DPP6: variants seen among roughly 807,000 people sequenced by gnomAD.
DPP6 encodes the protein A-type potassium channel modulatory protein DPP6.
DPP6 carries 69 observed loss-of-function variants against 122.6 expected under a neutral mutation model. The observed-to-expected ratio is 0.56, with a 90% CI of 0.46 to 0.69. The LOEUF (loss-of-function observed/expected upper bound fraction) is 0.69, where lower values mean the gene tolerates loss of function less well. Ranked by LOEUF, DPP6 falls within the 30% of genes least tolerant of loss-of-function variation. The pLI, the probability that DPP6 is intolerant of heterozygous loss-of-function variation, is 0.00. For synonymous variants in DPP6, 418 were observed against 433.1 expected, an observed-to-expected ratio of 0.97 and a Z score of 0.43; for missense variants, 928 against 1,116.9, an observed-to-expected ratio of 0.83 and a Z score of 2.41.
intron 1 of DPP6, among the ~76,000 whole-genome samples, chr7:154,032,675 A>G: frequency 6.6e-6 from 1 of 152,296 alleles, no homozygotes; most frequent in South Asian, 2.1e-4. Flanking sequence ...TATCTTATAT[A>G]TTTAAACAGA....
At chr7:154,564,036 A>G (rs1019226272) in intron 4 of DPP6, among the ~76,000 whole-genome samples, 5 of 152,198 alleles carry the variant, frequency 3.3e-5, no homozygotes, top group Non-Finnish European at 7.4e-5. Context: ...GCATGAAAAG[A>G]ACCAGCGAGG....
At chr7:154,291,581 C>T (rs1451528431) in intron 1 of DPP6, among the ~76,000 whole-genome samples, 1 of 152,194 alleles carries the variant, frequency 6.6e-6, no homozygotes, top group East Asian at 1.9e-4. Context: ...TAGACTCTCT[C>T]TCCTGAGCTT....
intron 5 of DPP6, among the ~76,000 whole-genome samples, chr7:154,574,720 T>G (rs1345422223): frequency 0.03 from 3,807 of 127,906 alleles, 173 homozygotes; most frequent in African/African-American, 0.11. Flanking sequence ...TATGTGTGTG[T>G]GGGGTGTACG....
chr7:154,305,335 T>TGTG, intron 1 of DPP6: 3 of 1,024,738 alleles, frequency 2.9e-6, no homozygotes, highest in Non-Finnish European at 3.6e-6. Context: ...TCGTCTTGTC[T>TGTG]ACCCACCCTC....
intron 1 of DPP6, among the ~76,000 whole-genome samples, chr7:154,134,075 G>A (rs536764930): frequency 1.3e-5 from 2 of 152,096 alleles, no homozygotes; most frequent in Admixed American, 6.5e-5. Context: ...ACTCAGTGCA[G>A]TCTTCAGATT....
At chr7:154,780,141 T>A (rs1796933447) in intron 10 of DPP6, among the ~76,000 whole-genome samples, 1 of 152,174 alleles carries the variant, frequency 6.6e-6, no homozygotes, top group Non-Finnish European at 1.5e-5. Flanking sequence ...GGGCAGGGTC[T>A]TTGTTATTCA....
At chr7:154,467,212 G>T (rs34852862) in intron 2 of DPP6, among the ~76,000 whole-genome samples, 1 of 152,094 alleles carries the variant, frequency 6.6e-6, no homozygotes, top group African/African-American at 2.4e-5. Context: ...ATGAATGGCA[G>T]CTTGAGATTG....
intron 1 of DPP6, among the ~76,000 whole-genome samples, chr7:154,368,786 C>G (rs988412878): frequency 1.3e-5 from 2 of 152,186 alleles, no homozygotes; most frequent in African/African-American, 4.8e-5. Flanking sequence ...ATGTTAGTAA[C>G]AAGAACAGTT....
intron 1 of DPP6, among the ~76,000 whole-genome samples, chr7:154,385,185 G>A (rs1813988618): frequency 6.6e-6 from 1 of 152,162 alleles, no homozygotes; most frequent in South Asian, 2.1e-4. Context: ...TAGCCAGGAT[G>A]GTCTTGATCT....
At chr7:153,963,559 A>G (rs1795471593) in intron 1 of DPP6, among the ~76,000 whole-genome samples, 1 of 151,278 alleles carries the variant, frequency 6.6e-6, no homozygotes. Flanking sequence ...ATATGTGTCT[A>G]CAGCCTGTGA....
Position 154,707,646 on chromosome 7 carries a change from T to C in DPP6, c.763-20121T>C, listed in dbSNP as rs78400381. On this transcript the variant is annotated intron_variant, in intron 7 of 25. Transcript: ENST00000377770. ...TCATCAGGAATCTTAAACCTCTCATTGATCAACAGCTTTGACATCTCCTCT... is the reference window on the plus strand; with the variant it reads ...TCATCAGGAATCTTAAACCTCTCATCGATCAACAGCTTTGACATCTCCTCT... Among the ~76,000 whole-genome samples, 1,397 of 152,294 alleles carry C rather than the reference T, an allele frequency of 9.2e-3. 16 individuals are homozygous for C. The highest frequency in any genetic ancestry group is 0.03 in the African/African-American group (1,249 of 41,550).
the DPP6 span, among the ~76,000 whole-genome samples, chr7:153,836,974 C>T: frequency 6.6e-6 from 1 of 152,294 alleles, no homozygotes; most frequent in Admixed American, 6.5e-5. Flanking sequence ...CCAGCAGCAT[C>T]CTTGGTCAGT....
chr7:154,220,640 G>A lies in DPP6; in HGVS notation c.243+167577G>A, dbSNP rs76572750. Among the ~76,000 whole-genome samples, 511 of 152,282 alleles carry A rather than the reference G, an allele frequency of 3.4e-3. 8 individuals are homozygous for A. The South Asian group carries it at 0.062, about 18-fold the overall frequency. ...CAGCCCTCACCAGATGCCACATCTC[G>A]TAAGACATGGAGACTGTTGGCACCT... On this transcript the variant is annotated intron_variant, in intron 1 of 25. Coordinates refer to ENST00000377770, the MANE Select transcript of DPP6 (RefSeq NM_130797.4).
intron 1 of DPP6, among the ~76,000 whole-genome samples, chr7:154,431,442 CTTTCT>C (rs372693484): frequency 0.04 from 4,896 of 121,300 alleles, 223 homozygotes; most frequent in Non-Finnish European, 0.054. Flanking sequence ...TTTTTCTTTC[CTTTCT>C]TTTCTTTTCT....
chr7:154,801,062 C>T (rs1255750394), intron 12 of DPP6, among the ~76,000 whole-genome samples: 1 of 151,760 alleles, frequency 6.6e-6, no homozygotes, highest in African/African-American at 2.4e-5. Flanking sequence ...GCTTGGCGTG[C>T]ACATGGGGCT....
intron 1 of DPP6, among the ~76,000 whole-genome samples, chr7:154,103,853 C>T (rs1323233494): frequency 6.6e-6 from 1 of 152,222 alleles, no homozygotes; most frequent in Non-Finnish European, 1.5e-5. Flanking sequence ...GGCACTTATG[C>T]TAGTGGTTTG....
intron 1 of DPP6, among the ~76,000 whole-genome samples, chr7:153,951,312 G>T (rs1185948718): frequency 6.6e-6 from 1 of 152,204 alleles, no homozygotes; most frequent in Non-Finnish European, 1.5e-5. Flanking sequence ...TGGACGCAAA[G>T]CAAGGGGGAG....
At chr7:153,748,426 G>A in the DPP6 span, among the ~76,000 whole-genome samples, 3 of 40,556 alleles carry the variant, frequency 7.4e-5, no homozygotes, top group African/African-American at 1.1e-4. Context: ...GGTGAGGGGG[G>A]TGTGGAAAGA....
intron 3 of DPP6, among the ~76,000 whole-genome samples, chr7:154,521,367 G>GTT (rs201214693): frequency 2.3e-4 from 33 of 143,592 alleles, no homozygotes; most frequent in Non-Finnish European, 2.3e-4. Flanking sequence ...CAAATAAATT[G>GTT]TTTTTTTTTT....
Sources: gnomAD v4.1 joint callset for allele counts (sites outside exome capture counted in the v4.1 genomes callset) on GRCh38, gnomAD v4.1.1 for gene constraint, MANE v1.5 for transcripts, NCBI Gene and HGNC (gene_info 2026-07-23, HGNC 2026-07-21) for gene names.